XYLT1: variants seen among roughly 807,000 people sequenced by gnomAD.
XYLT1 encodes the protein beta-D-xylosyltransferase 1.
In XYLT1, 36 loss-of-function variants were observed where a neutral mutation model predicts 91.3. That is an observed-to-expected ratio of 0.39 (90% CI 0.30 to 0.52). The LOEUF (loss-of-function observed/expected upper bound fraction) is 0.52. XYLT1 is among the 20% of genes least tolerant of loss of function. The pLI is 0.68. For synonymous variants in XYLT1, 588 were observed against 532.0 expected, an observed-to-expected ratio of 1.11 and a Z score of -1.45; for missense variants, 1,242 against 1,284.5, an observed-to-expected ratio of 0.97 and a Z score of 0.51.
intron 2 of XYLT1, chr16:17,355,299 AAGAC>A (rs1380712762): frequency 6.5e-6 from 1 of 152,688 alleles, no homozygotes; most frequent in African/African-American, 2.4e-5. Context: ...AGGAAGGTCA[AAGAC>A]AGAACCATCC....
Position 17,422,752 on chromosome 16 carries a change from G to A in XYLT1, c.363+47682C>T, listed in dbSNP as rs145825032. Among the ~76,000 whole-genome samples the A allele has an allele frequency of 5.7e-3, 861 of 152,226 alleles. 11 individuals carry two copies. The highest frequency in any genetic ancestry group is 0.018 in the African/African-American group (753 of 41,532). On this transcript the variant is annotated intron_variant, in intron 1 of 11. Coordinates refer to ENST00000261381, the MANE Select transcript of XYLT1 (RefSeq NM_022166.4). ...AGAACTCCTGACCTCCTGACTTCAG[G>A]TGATCCGCCCACCTCAGCCTCCCAA...
At chr16:17,357,884 C>T in intron 2 of XYLT1, 128 bp downstream of exon 2, 1 of 944,836 alleles carries the variant, frequency 1.1e-6, no homozygotes, top group Non-Finnish European at 1.6e-6. Flanking sequence ...TGTGCAGGCA[C>T]ACACACATCC....
chr16:17,271,114 G>C (rs1179509007), intron 2 of XYLT1, among the ~76,000 whole-genome samples: 2 of 152,114 alleles, frequency 1.3e-5, no homozygotes, highest in Admixed American at 1.3e-4. Context: ...CTCACACACA[G>C]AAGAGCTTTT....
chr16:17,370,916 GT>G (rs1185812094), intron 1 of XYLT1, among the ~76,000 whole-genome samples: 1 of 152,260 alleles, frequency 6.6e-6, no homozygotes, highest in African/African-American at 2.4e-5. Context: ...GCTTGCCACA[GT>G]CCCCGCCCCA....
intron 1 of XYLT1, among the ~76,000 whole-genome samples, chr16:17,432,089 A>T (rs2036399558): frequency 6.6e-6 from 1 of 152,244 alleles, no homozygotes; most frequent in Non-Finnish European, 1.5e-5. Flanking sequence ...GATAAAAAAA[A>T]AATGGCTGGT....
chr16:17,161,952 A>G (rs1164244353), intron 5 of XYLT1, among the ~76,000 whole-genome samples: 1 of 152,214 alleles, frequency 6.6e-6, no homozygotes, highest in African/African-American at 2.4e-5. Context: ...AAATAAACTT[A>G]CTGGGAGCCA....
intron 1 of XYLT1, among the ~76,000 whole-genome samples, chr16:17,432,070 T>C (rs936622146): frequency 1.3e-5 from 2 of 152,138 alleles, no homozygotes; most frequent in South Asian, 4.1e-4. Context: ...ACCATCCAGT[T>C]TATAAGAAGA....
At chr16:17,189,228 A>G (rs2032256016) in intron 5 of XYLT1, among the ~76,000 whole-genome samples, 1 of 152,004 alleles carries the variant, frequency 6.6e-6, no homozygotes, top group Admixed American at 6.6e-5. Flanking sequence ...CTCACACTCT[A>G]CTCCTCCACA....
chr16:17,388,187 T>C (rs4781987), intron 1 of XYLT1, among the ~76,000 whole-genome samples: 74,700 of 152,076 alleles, frequency 0.49, 19,375 homozygotes, highest in African/African-American at 0.61. Flanking sequence ...ATACTGTACA[T>C]GGACATTTTG....
chr16:17,266,596 A>C (rs1366495743), intron 2 of XYLT1, among the ~76,000 whole-genome samples: 1 of 152,168 alleles, frequency 6.6e-6, no homozygotes, highest in Non-Finnish European at 1.5e-5. Context: ...GCCTCTCCGC[A>C]GCTATTAGGA....
chr16:17,256,634 G>A (rs1328172138), intron 3 of XYLT1, among the ~76,000 whole-genome samples: 4 of 147,886 alleles, frequency 2.7e-5, no homozygotes, highest in South Asian at 2.1e-4. Flanking sequence ...TGATGACAGA[G>A]TGAGACTCCG....
chr16:17,383,089 G>A (rs940186717), intron 1 of XYLT1, among the ~76,000 whole-genome samples: 1 of 151,798 alleles, frequency 6.6e-6, no homozygotes, highest in African/African-American at 2.4e-5. Context: ...TTTGGTGGGA[G>A]GAGAAAAGCC....
chr16:17,329,216 C>A (rs776667594), intron 2 of XYLT1, among the ~76,000 whole-genome samples: 28 of 152,294 alleles, frequency 1.8e-4, no homozygotes, highest in Non-Finnish European at 3.1e-4. Context: ...AGCATTTAGC[C>A]CATGAGCCGT....
At chr16:17,334,352 G>T (rs1011792989) in intron 2 of XYLT1, among the ~76,000 whole-genome samples, 3 of 152,230 alleles carry the variant, frequency 2.0e-5, no homozygotes, top group African/African-American at 7.2e-5. Flanking sequence ...ACGTCCTGGA[G>T]TACAGACTGC....
chr16:17,346,107 G>C (rs536907146), intron 2 of XYLT1, among the ~76,000 whole-genome samples: 4 of 152,134 alleles, frequency 2.6e-5, no homozygotes. Context: ...CACCGAGCCC[G>C]GCCTACTCTG....
chr16:17,128,332 T>C (rs545518621), intron 9 of XYLT1, among the ~76,000 whole-genome samples: 2 of 152,374 alleles, frequency 1.3e-5, no homozygotes, highest in Non-Finnish European at 2.9e-5. Flanking sequence ...CTGAGGATTA[T>C]CACATCTTTG....
At chr16:17,425,729 C>G (rs1313620143) in intron 1 of XYLT1, among the ~76,000 whole-genome samples, 2 of 152,218 alleles carry the variant, frequency 1.3e-5, no homozygotes, top group African/African-American at 4.8e-5. Flanking sequence ...CCCCAGCACA[C>G]AGCCAGGCTG....
chr16:17,266,239 C>A (rs1217027608), intron 2 of XYLT1, among the ~76,000 whole-genome samples: 1 of 152,156 alleles, frequency 6.6e-6, no homozygotes, highest in Non-Finnish European at 1.5e-5. Flanking sequence ...CAGAACATTT[C>A]GCCTCTCTTT....
chr16:17,124,120 A>G (rs2030173437), intron 10 of XYLT1, among the ~76,000 whole-genome samples: 1 of 152,192 alleles, frequency 6.6e-6, no homozygotes, highest in Non-Finnish European at 1.5e-5. Context: ...TAGGCCATTT[A>G]CATTCAACAT....
Sources: allele counts gnomAD v4.1 joint callset (sites outside exome capture counted in the v4.1 genomes callset), GRCh38; gene constraint gnomAD v4.1.1; transcripts MANE v1.5; gene names NCBI Gene and HGNC (gene_info 2026-07-23, HGNC 2026-07-21).